The following RGS6 variants were observed in gnomAD, a reference collection of about 807,000 sequenced individuals.
RGS6 encodes the protein regulator of G protein signaling 6, also known as regulator of G-protein signaling 6.
Under a neutral mutation model 78.5 loss-of-function variants are expected in RGS6, and 30 were observed. That is an observed-to-expected ratio of 0.38 (90% CI 0.29 to 0.52). RGS6 has a LOEUF of 0.52. Among genes scored for constraint, RGS6 ranks in the 20% least tolerant of loss-of-function variants. The probability of loss-of-function intolerance (pLI) is 0.85; values close to 1 mark genes in which losing one functional copy is unlikely to be tolerated. For synonymous variants in RGS6, 206 were observed against 206.0 expected, an observed-to-expected ratio of 1.00 and a Z score of 0.00; for missense variants, 495 against 609.7, an observed-to-expected ratio of 0.81 and a Z score of 1.98.
intron 3 of RGS6, among the ~76,000 whole-genome samples, chr14:72,389,031 C>A (rs2089190752): frequency 6.6e-6 from 1 of 152,092 alleles, no homozygotes; most frequent in African/African-American, 2.4e-5. Context: ...ATAAAGTACT[C>A]CATTTGCCTC....
At chr14:72,039,812 G>GTTTTTTTTT (rs1555447720) in intron 2 of RGS6, among the ~76,000 whole-genome samples, 6 of 21,462 alleles carry the variant, frequency 2.8e-4, no homozygotes, top group Admixed American at 5.5e-4. Context: ...GTGTTTCATT[G>GTTTTTTTTT]ATTTTTTTTT....
rs565227282 is a variant in RGS6 at position 72,099,920 on chromosome 14, T to G, written c.84+135045T>G. On this transcript the variant is annotated intron_variant, in intron 2 of 17. Transcript: ENST00000553525. ...GGGAAACTGAGTATTACTGTGTGAG[T>G]GATGGGGACTTCTTGAAAGATCCTA... Among the ~76,000 whole-genome samples the G allele has an allele frequency of 2.0e-5, 3 of 152,144 alleles. No individual in the cohort carries two copies. In the South Asian group the frequency reaches 6.2e-4, roughly 32 times the overall value.
At chr14:72,475,830 G>GCACACACACACACACACACGCA (rs1555424336) in intron 10 of RGS6, among the ~76,000 whole-genome samples, 40 of 145,696 alleles carry the variant, frequency 2.7e-4, no homozygotes, top group African/African-American at 7.7e-4. Context: ...AAAAATACAC[G>GCACACACACACACACACACGCA]CACACACACA....
chr14:72,556,541 G>C (rs1010237318), intron 17 of RGS6, among the ~76,000 whole-genome samples: 4 of 152,168 alleles, frequency 2.6e-5, no homozygotes, highest in African/African-American at 9.7e-5. Flanking sequence ...AGTGGTCCCA[G>C]TGACATTCTG....
rs796813992 is a variant in RGS6, at chr14:72,053,458, G to C, written c.84+88583G>C. Among the ~76,000 whole-genome samples the C allele has an allele frequency of 2.0e-5, 3 of 151,954 alleles. No homozygotes were observed. The South Asian group carries it at 6.2e-4, about 32-fold the overall frequency. On this transcript the variant is annotated intron_variant, in intron 2 of 17. Transcript: ENST00000553525. ...TTGAAGTGTTGTTCAGGGGTCTCTT[G>C]CATCAGAATGTCCTGAACTGCTTGT...
At chr14:72,456,475 G>A (rs1484265699) in intron 4 of RGS6, among the ~76,000 whole-genome samples, 1 of 152,044 alleles carries the variant, frequency 6.6e-6, no homozygotes, top group Admixed American at 6.6e-5. Flanking sequence ...TTTATTTTTT[G>A]TAGAGATGGG....
intron 17 of RGS6, among the ~76,000 whole-genome samples, chr14:72,560,173 T>C (rs1398584005): frequency 6.6e-6 from 1 of 151,974 alleles, no homozygotes; most frequent in Non-Finnish European, 1.5e-5. Context: ...ACTCAGAACA[T>C]ATATATTTGG....
chr14:71,897,237 G>A, the RGS6 span, among the ~76,000 whole-genome samples: 3 of 152,220 alleles, frequency 2.0e-5, no homozygotes, highest in African/African-American at 7.2e-5. Context: ...CATTGGTGAA[G>A]TGGGGAGAGT....
chr14:72,115,093 T>A (rs1030511589), intron 2 of RGS6, among the ~76,000 whole-genome samples: 14 of 152,202 alleles, frequency 9.2e-5, no homozygotes, highest in Non-Finnish European at 2.1e-4. Context: ...TCCATCCACT[T>A]GGATCTCAGT....
At chr14:72,014,231 A>G (rs1239430870) in intron 2 of RGS6, among the ~76,000 whole-genome samples, 2 of 152,198 alleles carry the variant, frequency 1.3e-5, no homozygotes, top group Non-Finnish European at 1.5e-5. Flanking sequence ...TTGACAGTTA[A>G]GAGAGGAATG....
the RGS6 span, among the ~76,000 whole-genome samples, chr14:71,925,160 G>T: frequency 6.6e-6 from 1 of 152,098 alleles, no homozygotes; most frequent in Non-Finnish European, 1.5e-5. Context: ...TTTCTCTGAT[G>T]ATTTAATGAT....
At chr14:72,419,531 C>G (rs576261962) in intron 3 of RGS6, among the ~76,000 whole-genome samples, 1 of 152,146 alleles carries the variant, frequency 6.6e-6, no homozygotes. Context: ...GTGTTTAAGT[C>G]GAGCCCAGAT....
intron 3 of RGS6, among the ~76,000 whole-genome samples, chr14:72,370,165 T>A (rs1452723627): frequency 3.7e-5 from 5 of 135,222 alleles, no homozygotes; most frequent in Non-Finnish European, 6.3e-5. Flanking sequence ...AAAAAAAAAA[T>A]TCACTTGATG....
At chr14:72,482,341 TTGTC>T (rs929615902) in intron 12 of RGS6, among the ~76,000 whole-genome samples, 2 of 152,206 alleles carry the variant, frequency 1.3e-5, no homozygotes, top group African/African-American at 2.4e-5. Flanking sequence ...TGCCTTTTAG[TTGTC>T]TGTCTGTCTG....
At chr14:72,004,402 T>C (rs2084111793) in intron 2 of RGS6, among the ~76,000 whole-genome samples, 1 of 152,204 alleles carries the variant, frequency 6.6e-6, no homozygotes, top group Non-Finnish European at 1.5e-5. Flanking sequence ...AAAGAAGAAA[T>C]TCAAATGCTT....
At chr14:72,062,756 G>C (rs1170990647) in intron 2 of RGS6, among the ~76,000 whole-genome samples, 2 of 152,192 alleles carry the variant, frequency 1.3e-5, no homozygotes, top group African/African-American at 4.8e-5. Flanking sequence ...GGAAAGTTTA[G>C]GACTGGAGAT....
intron 1 of RGS6, among the ~76,000 whole-genome samples, chr14:71,958,885 A>C (rs1422948111): frequency 6.6e-6 from 1 of 152,136 alleles, no homozygotes; most frequent in Non-Finnish European, 1.5e-5. Flanking sequence ...GTATATTTAG[A>C]ATATCTCCCA....
chr14:72,473,051 T>G, intron 9 of RGS6, 98 bp downstream of exon 9: 1 of 795,086 alleles, frequency 1.3e-6, no homozygotes, highest in Non-Finnish European at 2.0e-6. Flanking sequence ...AGGTGTCTCA[T>G]TCTTAAGAAA....
At chr14:72,468,643 T>C (rs771737716) in intron 7 of RGS6, among the ~76,000 whole-genome samples, 1 of 152,182 alleles carries the variant, frequency 6.6e-6, no homozygotes, top group Non-Finnish European at 1.5e-5. Flanking sequence ...ATAAACATTC[T>C]TGTGGCAGCT....
Sources: gnomAD v4.1 joint callset for allele counts (sites outside exome capture counted in the v4.1 genomes callset) on GRCh38, gnomAD v4.1.1 for gene constraint, MANE v1.5 for transcripts, NCBI Gene and HGNC (gene_info 2026-07-23, HGNC 2026-07-21) for gene names.